The following CTNNA3 variants were observed in gnomAD, a reference collection of about 807,000 sequenced individuals.
CTNNA3 encodes the protein catenin alpha-3.
Under a neutral mutation model 95.7 loss-of-function variants are expected in CTNNA3, and 76 were observed. That is an observed-to-expected ratio of 0.79 (90% CI 0.66 to 0.96). CTNNA3 has a LOEUF of 0.96. Ranked by LOEUF, CTNNA3 falls within the 40% of genes least tolerant of loss-of-function variation. The probability of loss-of-function intolerance (pLI) is 0.00; values close to 1 mark genes in which losing one functional copy is unlikely to be tolerated. For missense variants in CTNNA3, 1,191 were observed against 1,089.8 expected (o/e 1.09, Z -1.31); for synonymous variants, 431 against 374.4 (o/e 1.15, Z -1.74).
chr10:66,853,892 A>C (rs976024739), intron 7 of CTNNA3, among the ~76,000 whole-genome samples: 7 of 152,094 alleles, frequency 4.6e-5, no homozygotes, highest in African/African-American at 1.7e-4. Context: ...CAAGTTGTAG[A>C]TCTGCTAAGT....
At chr10:66,102,031 C>T (rs931988190) in intron 14 of CTNNA3, among the ~76,000 whole-genome samples, 3 of 151,962 alleles carry the variant, frequency 2.0e-5, no homozygotes, top group East Asian at 1.9e-4. Context: ...GTTAACCAAA[C>T]GGGTCTTTGC....
chr10:66,924,999 T>G (rs1442770052), intron 7 of CTNNA3, among the ~76,000 whole-genome samples: 1 of 152,130 alleles, frequency 6.6e-6, no homozygotes, highest in Non-Finnish European at 1.5e-5. Flanking sequence ...CAAAAGAAAT[T>G]TAGGCAATTC....
intron 5 of CTNNA3, among the ~76,000 whole-genome samples, chr10:67,434,975 G>A (rs1266775778): frequency 6.6e-6 from 1 of 151,950 alleles, no homozygotes; most frequent in Admixed American, 6.6e-5. Flanking sequence ...GTATATACAG[G>A]TAGCCTCCGA....
intron 17 of CTNNA3, among the ~76,000 whole-genome samples, chr10:65,954,579 G>A (rs1188434546): frequency 6.6e-6 from 1 of 152,118 alleles, no homozygotes; most frequent in Non-Finnish European, 1.5e-5. Flanking sequence ...TGTAAGGAAG[G>A]GATCCAGTTT....
At chr10:66,171,148 T>C (rs1195597355) in intron 13 of CTNNA3, among the ~76,000 whole-genome samples, 1 of 151,422 alleles carries the variant, frequency 6.6e-6, no homozygotes, top group African/African-American at 2.4e-5. Context: ...AAAAGAAATA[T>C]CTCACAATGA....
chr10:67,491,530 G>A (rs1439659408), intron 5 of CTNNA3, among the ~76,000 whole-genome samples: 1 of 152,184 alleles, frequency 6.6e-6, no homozygotes, highest in Non-Finnish European at 1.5e-5. Flanking sequence ...AAAATTCCAG[G>A]AGGAAAATAA....
At chr10:66,812,123 T>C (rs752327901) in intron 7 of CTNNA3, among the ~76,000 whole-genome samples, 8 of 152,094 alleles carry the variant, frequency 5.3e-5, no homozygotes, top group Non-Finnish European at 7.4e-5. Flanking sequence ...GAAAATTCTC[T>C]CCTTACTAAA....
chr10:67,240,486 A>C (rs1865675556), intron 5 of CTNNA3, among the ~76,000 whole-genome samples: 1 of 152,206 alleles, frequency 6.6e-6, no homozygotes, highest in Non-Finnish European at 1.5e-5. Context: ...TTTGAGAAGA[A>C]AAATTAAAAT....
intron 14 of CTNNA3, among the ~76,000 whole-genome samples, chr10:66,085,988 A>G (rs2080967684): frequency 6.6e-6 from 1 of 152,170 alleles, no homozygotes; most frequent in Admixed American, 6.6e-5. Context: ...AGCACTAACA[A>G]TACAATCAGT....
chr10:67,657,847 CAAAA>C (rs200763142), intron 1 of CTNNA3, among the ~76,000 whole-genome samples: 3 of 40,418 alleles, frequency 7.4e-5, no homozygotes, highest in Admixed American at 2.3e-4. Flanking sequence ...AATTCCATCT[CAAAA>C]AAAAAAAAAA....
At chr10:66,098,018 T>C (rs2081467134) in intron 14 of CTNNA3, 1 of 152,104 alleles carries the variant, frequency 6.6e-6, no homozygotes, top group Non-Finnish European at 1.5e-5. Flanking sequence ...CAAGGTGAAG[T>C]GACCCACCAA....
intron 7 of CTNNA3, among the ~76,000 whole-genome samples, chr10:66,864,728 G>A (rs914381061): frequency 6.6e-5 from 10 of 152,094 alleles, no homozygotes; most frequent in East Asian, 1.9e-4. Flanking sequence ...GCAATAGAAC[G>A]TCTCATACTC....
At chr10:67,684,448 C>T (rs770086012) in intron 1 of CTNNA3, among the ~76,000 whole-genome samples, 27 of 152,120 alleles carry the variant, frequency 1.8e-4, no homozygotes, top group African/African-American at 3.4e-4. Flanking sequence ...GCGTTTACAA[C>T]CTTTAGCTAG....
chr10:66,519,521 A>G (rs1445820141), intron 11 of CTNNA3, among the ~76,000 whole-genome samples: 1 of 152,162 alleles, frequency 6.6e-6, no homozygotes, highest in Non-Finnish European at 1.5e-5. Context: ...CTCCCATTCT[A>G]TTCAAAGTCA....
chr10:66,567,255 T>C (rs7095723), intron 10 of CTNNA3, among the ~76,000 whole-genome samples: 43,325 of 151,740 alleles, frequency 0.29, 6,630 homozygotes, highest in Middle Eastern at 0.43. Context: ...TGGGAGCCTA[T>C]GAAGAAAGAG....
At chr10:67,544,176 T>C (rs947201158) in intron 3 of CTNNA3, among the ~76,000 whole-genome samples, 28 of 152,182 alleles carry the variant, frequency 1.8e-4, no homozygotes, top group African/African-American at 6.3e-4. Flanking sequence ...CATTTTATTA[T>C]CTTCGAACTC....
intron 15 of CTNNA3, among the ~76,000 whole-genome samples, chr10:66,022,569 C>T (rs1589259660): frequency 6.6e-6 from 1 of 151,814 alleles, no homozygotes; most frequent in East Asian, 1.9e-4. Context: ...CTTGCTTTAC[C>T]AGTAGCATGA....
intron 5 of CTNNA3, among the ~76,000 whole-genome samples, chr10:67,436,235 T>G (rs1317107052): frequency 1.3e-5 from 2 of 152,016 alleles, no homozygotes; most frequent in East Asian, 3.9e-4. Flanking sequence ...AGGACACCCT[T>G]TTCAACAAAT....
intron 13 of CTNNA3, among the ~76,000 whole-genome samples, chr10:66,151,919 C>T (rs900724627): frequency 6.6e-6 from 1 of 151,874 alleles, no homozygotes; most frequent in Non-Finnish European, 1.5e-5. Flanking sequence ...AATATTGGAA[C>T]ACATAGATTG....
Sources: allele counts gnomAD v4.1 joint callset (sites outside exome capture counted in the v4.1 genomes callset), GRCh38; gene constraint gnomAD v4.1.1; transcripts MANE v1.5; gene names NCBI Gene and HGNC (gene_info 2026-07-23, HGNC 2026-07-21).